The following ROBO1 variants were observed in gnomAD, a reference collection of about 807,000 sequenced individuals.
ROBO1 encodes the protein roundabout homolog 1.
A neutral mutation model predicts 195.9 loss-of-function variants in ROBO1; 149 were observed. The observed-to-expected ratio is 0.76, with a 90% CI of 0.67 to 0.87. ROBO1 has a LOEUF of 0.87. ROBO1 is among the 40% of genes least tolerant of loss of function. ROBO1 has a pLI of 0.00. For synonymous variants in ROBO1, 816 were observed against 733.2 expected, an observed-to-expected ratio of 1.11 and a Z score of -1.82; for missense variants, 1,933 against 2,068.3, an observed-to-expected ratio of 0.93 and a Z score of 1.27.
chr3:79,040,657 G>T (rs1258794208), intron 3 of ROBO1, among the ~76,000 whole-genome samples: 1 of 151,934 alleles, frequency 6.6e-6, no homozygotes, highest in Non-Finnish European at 1.5e-5. Context: ...TGTATCTGCT[G>T]TTGTTATTAG....
At chr3:79,536,275 C>T (rs1366457651) in intron 2 of ROBO1, among the ~76,000 whole-genome samples, 1 of 152,056 alleles carries the variant, frequency 6.6e-6, no homozygotes, top group Non-Finnish European at 1.5e-5. Flanking sequence ...GCCAAAGACA[C>T]AAATGCATAC....
At chr3:79,470,159 C>A (rs913725467) in intron 2 of ROBO1, among the ~76,000 whole-genome samples, 1 of 152,072 alleles carries the variant, frequency 6.6e-6, no homozygotes, top group Admixed American at 6.6e-5. Context: ...TGGAACCAAC[C>A]CAAATGTCCA....
chr3:79,528,610 G>A (rs1941529574), intron 2 of ROBO1, among the ~76,000 whole-genome samples: 1 of 152,126 alleles, frequency 6.6e-6, no homozygotes, highest in South Asian at 2.1e-4. Flanking sequence ...ACTAGTGTCT[G>A]TGCAATATTG....
At position 79,019,186 on chromosome 3, in the gene ROBO1, C is replaced by T. The variant is rs534248726; in HGVS notation, c.173-80259G>A. The T allele has an allele frequency of 7.1e-6, 7 of 986,560 alleles. No homozygotes were observed. In the South Asian group the frequency reaches 2.3e-4, roughly 33 times the overall value. 61.1% of individuals were successfully genotyped at this position (986,560 alleles called of 1,614,324 possible). On this transcript the variant is annotated intron_variant, in intron 3 of 30. Transcript: ENST00000464233. ...TCTGGGCGCCCCCAGCCCCGCGCGG[C>T]GCCCAACATCGCCCTCGGCCCCTCG...
intron 3 of ROBO1, among the ~76,000 whole-genome samples, chr3:79,119,482 T>A (rs1240110101): frequency 3.3e-5 from 5 of 152,172 alleles, no homozygotes; most frequent in Non-Finnish European, 5.9e-5. Flanking sequence ...TTCCAAGAAT[T>A]GGCAAAATTT....
intron 2 of ROBO1, among the ~76,000 whole-genome samples, chr3:79,139,578 C>T (rs1287327946): frequency 2.0e-5 from 3 of 152,048 alleles, no homozygotes; most frequent in Admixed American, 6.6e-5. Flanking sequence ...GCCAATTGTC[C>T]GGTTGAGGTC....
chr3:79,062,226 A>G (rs2078931841), intron 3 of ROBO1, among the ~76,000 whole-genome samples: 1 of 152,182 alleles, frequency 6.6e-6, no homozygotes. Flanking sequence ...ACATTTATGC[A>G]GCCCACAGAC....
chr3:78,967,662 C>G (rs1013827787), intron 3 of ROBO1, among the ~76,000 whole-genome samples: 17 of 152,076 alleles, frequency 1.1e-4, no homozygotes, highest in African/African-American at 4.1e-4. Flanking sequence ...AGCTGTAGGG[C>G]CGGTCCCTTA....
intron 8 of ROBO1, among the ~76,000 whole-genome samples, chr3:78,710,058 G>T (rs1273407591): frequency 6.6e-6 from 1 of 152,034 alleles, no homozygotes. Context: ...ATAATAGCCC[G>T]TAAGGATTTT....
At chr3:79,470,174 T>C (rs1938191206) in intron 2 of ROBO1, among the ~76,000 whole-genome samples, 1 of 152,130 alleles carries the variant, frequency 6.6e-6, no homozygotes, top group Non-Finnish European at 1.5e-5. Flanking sequence ...TGTCCATCTA[T>C]TATAGACTGG....
At chr3:79,059,182 T>A (rs957634858) in intron 3 of ROBO1, among the ~76,000 whole-genome samples, 1 of 152,106 alleles carries the variant, frequency 6.6e-6, no homozygotes, top group African/African-American at 2.4e-5. Context: ...TCATGGGAAA[T>A]GGTCAAAGGA....
intron 2 of ROBO1, among the ~76,000 whole-genome samples, chr3:79,254,798 A>T (rs2082798854): frequency 6.6e-6 from 1 of 152,116 alleles, no homozygotes; most frequent in South Asian, 2.1e-4. Flanking sequence ...GTTCATAGTA[A>T]CCAAGACTGT....
intron 2 of ROBO1, among the ~76,000 whole-genome samples, chr3:79,232,364 A>G (rs1559752484): frequency 6.6e-6 from 1 of 151,306 alleles, no homozygotes; most frequent in Non-Finnish European, 1.5e-5. Context: ...AAGTGGAAAT[A>G]TGAGAAAAAA....
intron 3 of ROBO1, among the ~76,000 whole-genome samples, chr3:79,034,798 G>T (rs964684787): frequency 6.6e-6 from 1 of 152,020 alleles, no homozygotes; most frequent in Admixed American, 6.6e-5. Context: ...GACAAAAAAG[G>T]TGTCCTGTGT....
chr3:78,636,226 T>A, intron 22 of ROBO1, 118 bp from the exon 23 acceptor site: 1 of 657,950 alleles, frequency 1.5e-6, no homozygotes, highest in Non-Finnish European at 2.5e-6. Context: ...CAAGTGGGCT[T>A]AAATAAGATC....
At chr3:78,821,558 A>T (rs906049866) in intron 4 of ROBO1, among the ~76,000 whole-genome samples, 5 of 151,910 alleles carry the variant, frequency 3.3e-5, no homozygotes, top group African/African-American at 9.7e-5. Flanking sequence ...TCCCCTCTAA[A>T]TTGCTCGCTT....
intron 2 of ROBO1, among the ~76,000 whole-genome samples, chr3:79,483,395 T>C (rs1414617462): frequency 6.6e-6 from 1 of 152,194 alleles, no homozygotes; most frequent in Non-Finnish European, 1.5e-5. Context: ...CTGAAGATTT[T>C]AGTTTTTGAT....
At chr3:79,680,862 T>C (rs192174050) in intron 1 of ROBO1, among the ~76,000 whole-genome samples, 168 of 152,060 alleles carry the variant, frequency 1.1e-3, no homozygotes, top group Admixed American at 3.0e-3. Context: ...AAAGAATGTA[T>C]GGAGTTTAAA....
chr3:78,800,608 G>C (rs2084338335), intron 4 of ROBO1, among the ~76,000 whole-genome samples: 1 of 152,148 alleles, frequency 6.6e-6, no homozygotes, highest in South Asian at 2.1e-4. Context: ...CCAGGATGGA[G>C]TGCAGTGGCA....
Sources: allele counts gnomAD v4.1 joint callset (sites outside exome capture counted in the v4.1 genomes callset), GRCh38; gene constraint gnomAD v4.1.1; transcripts MANE v1.5; gene names NCBI Gene and HGNC (gene_info 2026-07-23, HGNC 2026-07-21).